Variants in GLRB observed in about 807,000 individuals in gnomAD.
GLRB encodes glycine receptor subunit beta.
In GLRB, 33 loss-of-function variants were observed where a neutral mutation model predicts 54.2. The ratio of observed to expected loss-of-function variants is 0.61; its 90% CI spans 0.46 to 0.81. The LOEUF (loss-of-function observed/expected upper bound fraction) is 0.81, where lower values mean the gene tolerates loss of function less well. Among genes scored for constraint, GLRB ranks in the 40% least tolerant of loss-of-function variants. GLRB has a pLI of 0.00. For synonymous variants in GLRB, 209 were observed against 208.2 expected, an observed-to-expected ratio of 1.00 and a Z score of -0.03; for missense variants, 572 against 584.6, an observed-to-expected ratio of 0.98 and a Z score of 0.22.
At chr4:157,095,980 A>G (rs186810916) in intron 2 of GLRB, among the ~76,000 whole-genome samples, 60 of 152,318 alleles carry the variant, frequency 3.9e-4, no homozygotes, top group Admixed American at 6.5e-4. Context: ...AAAAGGGCCT[A>G]AGTGGGTAGT....
In GLRB at chr4:157,154,423, CTTTTTTTTTTTTTT is replaced by C. The variant is rs778002566; in HGVS notation, c.1197+1421_1197+1434del. ...TTTTTGTTTCTCTATCTTCTTTTTC[CTTTTTTTTTTTTTT>C]TTTTTTTGAGATGGAGTTTCACTCT... is the stretch of plus-strand genomic sequence containing the variant. On this transcript the variant is annotated intron_variant, in intron 9 of 9. Coordinates refer to ENST00000264428, the MANE Select transcript of GLRB (RefSeq NM_000824.5). Among the ~76,000 whole-genome samples the C allele has an allele frequency of 4.8e-5, 5 of 103,454 alleles. No homozygotes were observed. The East Asian group carries it at 1.2e-3, about 25-fold the overall frequency. 67.9% of individuals were successfully genotyped at this position (103,454 alleles called of 152,430 possible).
At chr4:157,132,825 TG>T (rs1427311167) in intron 4 of GLRB, among the ~76,000 whole-genome samples, 1 of 151,974 alleles carries the variant, frequency 6.6e-6, no homozygotes, top group Non-Finnish European at 1.5e-5. Flanking sequence ...CTTTAATCAC[TG>T]AATTTAATCT....
chr4:157,158,651 G>A (rs1411331556), intron 9 of GLRB, among the ~76,000 whole-genome samples: 1 of 152,092 alleles, frequency 6.6e-6, no homozygotes, highest in East Asian at 1.9e-4. Flanking sequence ...TAGATGTGTG[G>A]TATTATTTCC....
chr4:157,147,865 G>C (rs1241383232), intron 8 of GLRB, among the ~76,000 whole-genome samples: 2 of 152,202 alleles, frequency 1.3e-5, no homozygotes, highest in African/African-American at 4.8e-5. Context: ...TATGCTTTCT[G>C]TCATTCCGTT....
rs554953545 is a variant in GLRB, at chr4:157,158,233, C to T, written c.1197+5223C>T. On this transcript the variant is annotated intron_variant, in intron 9 of 9. Transcript: ENST00000264428. ...TTCTTTGTAGATCCCGGATATTAGC[C>T]CTTTGTCAGATGGGTAGATTGTAAA... Among the ~76,000 whole-genome samples the T allele has an allele frequency of 4.0e-5, 6 of 151,874 alleles. No homozygotes were observed. In the South Asian group the frequency reaches 1.0e-3, roughly 26 times the overall value.
intron 2 of GLRB, among the ~76,000 whole-genome samples, chr4:157,092,242 A>G (rs942337088): frequency 3.3e-5 from 5 of 152,188 alleles, no homozygotes; most frequent in Admixed American, 3.3e-4. Context: ...GATAGGTTCT[A>G]CTTTAGAATA....
intron 9 of GLRB, among the ~76,000 whole-genome samples, chr4:157,158,006 T>C (rs1294587583): frequency 6.6e-6 from 1 of 152,230 alleles, no homozygotes; most frequent in Non-Finnish European, 1.5e-5. Flanking sequence ...ACCTGTTGTT[T>C]CCTGACTTTA....
At chr4:157,106,732 T>G (rs1735241474) in intron 2 of GLRB, among the ~76,000 whole-genome samples, 1 of 152,080 alleles carries the variant, frequency 6.6e-6, no homozygotes, top group Non-Finnish European at 1.5e-5. Flanking sequence ...CACCATCACC[T>G]TCCCTAGTTC....
intron 2 of GLRB, among the ~76,000 whole-genome samples, chr4:157,096,477 A>AGCTT (rs2126467688): frequency 6.6e-6 from 1 of 152,320 alleles, no homozygotes; most frequent in South Asian, 2.1e-4. Flanking sequence ...TGCAGATTCT[A>AGCTT]GCTTATTCAA....
chr4:157,155,053 T>C (rs1329182856), intron 9 of GLRB, among the ~76,000 whole-genome samples: 1 of 152,218 alleles, frequency 6.6e-6, no homozygotes, highest in Non-Finnish European at 1.5e-5. Flanking sequence ...TGTTATTGTA[T>C]ATTTTTGCTA....
chr4:157,170,699 AATGTTAT>A lies in GLRB; in HGVS notation c.1468_1474del (p.Val490IlefsTer27). 6.3e-7 allele frequency: 1 copy of A among 1,581,558 alleles called. No individual in the cohort carries two copies. Among genetic ancestry groups the A allele is most frequent in the Non-Finnish European group, 8.6e-7 (1 of 1,156,620 alleles). ...GTTTCCTTTCTGCTTCTTGTTCTTC[AATGTTAT>A]ATATTGGTCTATATATTTATGATAA... On this transcript the variant is annotated frameshift_variant, in exon 10 of 10. Coordinates refer to ENST00000264428, the MANE Select transcript of GLRB (RefSeq NM_000824.5). LOFTEE classifies it high-confidence loss of function.
intron 2 of GLRB, among the ~76,000 whole-genome samples, chr4:157,109,217 T>G (rs1454148789): frequency 1.3e-5 from 2 of 152,042 alleles, no homozygotes; most frequent in East Asian, 3.9e-4. Flanking sequence ...TGGTTCTGTC[T>G]TTCTGGAGAA....
At chr4:157,132,061 C>T (rs957621697) in intron 4 of GLRB, among the ~76,000 whole-genome samples, 4 of 151,662 alleles carry the variant, frequency 2.6e-5, no homozygotes, top group Non-Finnish European at 3.0e-5. Context: ...CACATCCTTG[C>T]GTTCGTTTTT....
intron 2 of GLRB, among the ~76,000 whole-genome samples, chr4:157,116,570 G>A (rs919304674): frequency 1.3e-5 from 2 of 151,554 alleles, no homozygotes; most frequent in East Asian, 3.9e-4. Flanking sequence ...ATTATAAGGA[G>A]ATATATAGTA....
chr4:157,100,981 C>T (rs1050214594), intron 2 of GLRB, among the ~76,000 whole-genome samples: 2 of 152,088 alleles, frequency 1.3e-5, no homozygotes, highest in Non-Finnish European at 1.5e-5. Flanking sequence ...AGAGAAATGC[C>T]TGGTGGTAGT....
chr4:157,170,695 C>A lies in GLRB; in HGVS notation c.1461C>A (p.Phe487Leu), dbSNP rs2126638154. The A allele has an allele frequency of 6.3e-7, 1 of 1,590,746 alleles. No individual in the cohort carries two copies. The highest frequency in any genetic ancestry group is 8.6e-7 in the Non-Finnish European group (1 of 1,164,224). ...CATTGTTTCCTTTCTGCTTCTTGTT[C>A]TTCAATGTTATATATTGGTCTATAT... ...ARALFPFCFL[F>L]FNVIYWSIYL Residue 487 changes from phenylalanine to leucine, a missense_variant, in exon 10 of 10, where the codon TTC becomes TTA. Physicochemically the swap from Phe to Leu is conservative, Grantham distance 22. Coordinates refer to ENST00000264428, the MANE Select transcript of GLRB (RefSeq NM_000824.5).
intron 2 of GLRB, among the ~76,000 whole-genome samples, chr4:157,119,940 G>T (rs1459897352): frequency 5.3e-5 from 8 of 151,764 alleles, no homozygotes; most frequent in East Asian, 2.0e-4. Flanking sequence ...ACACATATGT[G>T]TATTGCGGCA....
intron 2 of GLRB, among the ~76,000 whole-genome samples, chr4:157,119,293 G>A (rs556610080): frequency 6.6e-6 from 1 of 151,736 alleles, no homozygotes; most frequent in East Asian, 1.9e-4. Flanking sequence ...ATTTTACTGA[G>A]TGAGGAAAAT....
chr4:157,166,121 A>G (rs1386495835), intron 9 of GLRB, among the ~76,000 whole-genome samples: 2 of 142,228 alleles, frequency 1.4e-5, no homozygotes, highest in Non-Finnish European at 3.0e-5. Context: ...TTAGAAAGTT[A>G]TTAATAGCAT....
Sources: allele counts gnomAD v4.1 joint callset (sites outside exome capture counted in the v4.1 genomes callset), GRCh38; gene constraint gnomAD v4.1.1; transcripts MANE v1.5; gene names NCBI Gene and HGNC (gene_info 2026-07-23, HGNC 2026-07-21).